Variants in SOS2 observed in about 807,000 individuals in gnomAD.
The protein encoded by SOS2 is son of sevenless homolog 2.
Under a neutral mutation model 148.2 loss-of-function variants are expected in SOS2, and 65 were observed. That is an observed-to-expected ratio of 0.44 (90% CI 0.36 to 0.54). The LOEUF is 0.54. SOS2 is among the 20% of genes least tolerant of loss of function. The probability of loss-of-function intolerance (pLI) is 0.00; values close to 1 mark genes in which losing one functional copy is unlikely to be tolerated. For synonymous variants in SOS2, 539 were observed against 537.1 expected (o/e 1.00, Z -0.05); for missense variants, 1,341 against 1,590.2 (o/e 0.84, Z 2.67).
At chr14:50,129,612 C>G (rs1442431988) in intron 21 of SOS2, among the ~76,000 whole-genome samples, 1 of 152,122 alleles carries the variant, frequency 6.6e-6, no homozygotes, top group Non-Finnish European at 1.5e-5. Context: ...GTCTTGAACT[C>G]CTGACCTCGT....
intron 1 of SOS2, among the ~76,000 whole-genome samples, chr14:50,216,551 G>A (rs1433278128): frequency 6.6e-6 from 1 of 151,848 alleles, no homozygotes; most frequent in Non-Finnish European, 1.5e-5. Flanking sequence ...CTGAGGTCAG[G>A]AGTTTGAGAC....
rs575290991 is a variant in SOS2 at position 50,227,659 on chromosome 14, T to C, written c.87+3538A>G. On this transcript the variant is annotated intron_variant, in intron 1 of 22. Coordinates refer to ENST00000216373, the MANE Select transcript of SOS2 (RefSeq NM_006939.4). ...CCAGCATGGTCTCGATCTCCTGACC[T>C]CAGGTAATCTGCCCGCCTTGGCCTC... 2.6e-5 allele frequency among the ~76,000 whole-genome samples: 4 copies of C among 152,318 alleles called. No individual in the cohort carries two copies. In the South Asian group the frequency reaches 8.3e-4, roughly 32 times the overall value.
chr14:50,129,438 G>C (rs1037144472), intron 21 of SOS2, among the ~76,000 whole-genome samples: 5 of 152,202 alleles, frequency 3.3e-5, no homozygotes, highest in Admixed American at 3.3e-4. Flanking sequence ...AGGCTGGAGT[G>C]TGGTGGCCTG....
Position 50,146,135 on chromosome 14 carries a change from A to G in SOS2, c.2385-539T>C, listed in dbSNP as rs1594970744. 2.9e-5 allele frequency among the ~76,000 whole-genome samples: 4 copies of G among 136,402 alleles called. No individual in the cohort carries two copies. The South Asian group carries it at 8.6e-4, about 29-fold the overall frequency. 89.5% of individuals were successfully genotyped at this position (136,402 alleles called of 152,430 possible). On this transcript the variant is annotated intron_variant, in intron 14 of 22. Transcript: ENST00000216373. ...GCAACAAGAGCAAAGCTCTGTCTCC[A>G]AAAAAAAAAAAAAAAAAAAAGAAAC...
At chr14:50,193,685 TC>T (rs1886225182) in intron 4 of SOS2, among the ~76,000 whole-genome samples, 1 of 152,082 alleles carries the variant, frequency 6.6e-6, no homozygotes, top group African/African-American at 2.4e-5. Flanking sequence ...TATACTAAGA[TC>T]ATACCACATC....
intron 1 of SOS2, among the ~76,000 whole-genome samples, chr14:50,222,564 A>T (rs1037672611): frequency 6.6e-6 from 1 of 152,224 alleles, no homozygotes; most frequent in Non-Finnish European, 1.5e-5. Context: ...ATGATGTCTG[A>T]CTATAAAGAC....
At position 50,120,290 on chromosome 14, in the gene SOS2, A is replaced by G; in HGVS notation, c.3474T>C (p.Asp1158=). Residue 1158 remains aspartate (D), a synonymous_variant, in exon 22 of 23, where the codon GAT becomes GAC. Transcript: ENST00000216373. The part of the protein sequence containing the change: ...PLPPRKKFDH[D]ASNSKGNMKS... The stretch of plus-strand genomic sequence containing the variant: ...TGTTGATTACCTTGGAATTTGAAGC[A>G]TCATGATCAAACTTTTTTCGAGGAG... 1 of 1,575,394 alleles carries G rather than the reference A, an allele frequency of 6.3e-7. No homozygotes were observed. Among genetic ancestry groups the G allele is most frequent in the Non-Finnish European group, 8.7e-7 (1 of 1,146,958 alleles).
rs942106224 is a variant in SOS2 at position 50,161,520 on chromosome 14, G to A, written c.1158C>T (p.Asp386=). ...TAGGTGAATACTGCTTGTAAATTCG[G>A]TCCATGCTACCTTGGAGATTCATGA... The part of the protein sequence containing the change: ...TALMNLQGSM[D]RIYKQYSPRR... The change falls in exon 9 of 23, where the codon GAC becomes GAT. Residue 386 remains aspartate (D), a synonymous_variant. Coordinates refer to ENST00000216373, the MANE Select transcript of SOS2 (RefSeq NM_006939.4). 6.2e-7 allele frequency: 1 copy of A among 1,613,058 alleles called. No homozygotes were observed. The highest frequency in any genetic ancestry group is 1.3e-5 in the African/African-American group (1 of 74,936).
At chr14:50,121,023 C>CA (rs1477876802) in intron 21 of SOS2, among the ~76,000 whole-genome samples, 1 of 152,162 alleles carries the variant, frequency 6.6e-6, no homozygotes, top group African/African-American at 2.4e-5. Context: ...CAGGCATGAA[C>CA]CACCGTGCCC....
intron 21 of SOS2, among the ~76,000 whole-genome samples, chr14:50,124,418 G>A (rs186152259): frequency 1.0e-3 from 159 of 152,306 alleles, no homozygotes; most frequent in African/African-American, 3.8e-3. Flanking sequence ...AGGCAGAGGC[G>A]TTGTCTTTCT....
At chr14:50,143,626 G>A (rs559410420) in intron 16 of SOS2, among the ~76,000 whole-genome samples, 1 of 151,978 alleles carries the variant, frequency 6.6e-6, no homozygotes, top group South Asian at 2.1e-4. Context: ...ACTTTTAGTA[G>A]AGATGGGGTT....
chr14:50,186,286 A>G (rs1392723028), intron 5 of SOS2, among the ~76,000 whole-genome samples: 1 of 152,218 alleles, frequency 6.6e-6, no homozygotes, highest in Admixed American at 6.5e-5. Context: ...CTGTCATATC[A>G]GCACTAATCC....
chr14:50,153,336 G>A (rs1884720576), intron 12 of SOS2, among the ~76,000 whole-genome samples, 163 bp from the exon 13 acceptor site: 1 of 152,110 alleles, frequency 6.6e-6, no homozygotes, highest in South Asian at 2.1e-4. Flanking sequence ...TCAATGACAA[G>A]AGGAGAGTAG....
chr14:50,208,806 C>G (rs1051283641), intron 1 of SOS2, among the ~76,000 whole-genome samples: 1 of 152,120 alleles, frequency 6.6e-6, no homozygotes, highest in African/African-American at 2.4e-5. Context: ...TTGCAGTAAA[C>G]CAAGAAAAAG....
intron 7 of SOS2, among the ~76,000 whole-genome samples, chr14:50,178,841 C>A (rs1045509780): frequency 6.6e-6 from 1 of 151,932 alleles, no homozygotes; most frequent in Admixed American, 6.6e-5. Flanking sequence ...TCAAGCAATT[C>A]TCCTGCCTCA....
chr14:50,145,006 TTAAC>T (rs1452899058), intron 16 of SOS2, among the ~76,000 whole-genome samples, 160 bp downstream of exon 16: 5 of 152,040 alleles, frequency 3.3e-5, no homozygotes, highest in Non-Finnish European at 7.4e-5. Context: ...TATTCATATA[TTAAC>T]TAATATATCA....
At chr14:50,162,897 A>ATTTTTTTT (rs112053842) in intron 8 of SOS2, among the ~76,000 whole-genome samples, 2 of 88,346 alleles carry the variant, frequency 2.3e-5, no homozygotes, top group Non-Finnish European at 6.0e-5. Flanking sequence ...CAATGTTTTG[A>ATTTTTTTT]TTTTTTTTTT....
chr14:50,132,211 C>T (rs926203298), intron 19 of SOS2, among the ~76,000 whole-genome samples: 11 of 151,988 alleles, frequency 7.2e-5, no homozygotes, highest in African/African-American at 2.7e-4. Flanking sequence ...CAAAGCAAAA[C>T]CAAATCAGTC....
intron 1 of SOS2, among the ~76,000 whole-genome samples, chr14:50,224,413 A>G (rs1163402419): frequency 6.6e-6 from 1 of 151,648 alleles, no homozygotes; most frequent in African/African-American, 2.4e-5. Context: ...GGTCACAGAA[A>G]GATGAGGAGG....
Sources: gnomAD v4.1 joint callset for allele counts (sites outside exome capture counted in the v4.1 genomes callset) on GRCh38, gnomAD v4.1.1 for gene constraint, MANE v1.5 for transcripts, NCBI Gene and HGNC (gene_info 2026-07-23, HGNC 2026-07-21) for gene names.